The following SERPINB10 variants were observed in gnomAD, a reference collection of about 807,000 sequenced individuals.
SERPINB10 encodes serpin B10.
A neutral mutation model predicts 39.1 loss-of-function variants in SERPINB10; 35 were observed. The observed-to-expected ratio is 0.90, with a 90% CI of 0.68 to 1.19. SERPINB10 has a LOEUF of 1.19. SERPINB10 is among the 50% of genes most tolerant of loss of function. SERPINB10 has a pLI of 0.00. For synonymous variants in SERPINB10, 190 were observed against 158.1 expected, an observed-to-expected ratio of 1.20 and a Z score of -1.52; for missense variants, 546 against 460.5, an observed-to-expected ratio of 1.19 and a Z score of -1.70.
intron 5 of SERPINB10, among the ~76,000 whole-genome samples, chr18:63,927,502 A>G (rs1159033973): frequency 2.6e-5 from 4 of 152,212 alleles, no homozygotes; most frequent in African/African-American, 9.6e-5. Flanking sequence ...GGCTTGCTCT[A>G]TAATTCCAAA....
intron 5 of SERPINB10, among the ~76,000 whole-genome samples, chr18:63,929,712 C>CAAAAAAAAAAAAA (rs74169990): frequency 1.1e-3 from 106 of 97,284 alleles, no homozygotes; most frequent in Non-Finnish European, 1.7e-3. Flanking sequence ...AGCTAAAGTG[C>CAAAAAAAAAAAAA]AAAAAAAAAA....
intron 5 of SERPINB10, among the ~76,000 whole-genome samples, chr18:63,923,323 T>C (rs8096642): frequency 0.41 from 62,596 of 151,844 alleles, 15,772 homozygotes; most frequent in African/African-American, 0.71. Flanking sequence ...ATTAGTTCTT[T>C]AGGAACTTAG....
intron 1 of SERPINB10, among the ~76,000 whole-genome samples, chr18:63,909,038 G>T (rs749948601): frequency 6.6e-6 from 1 of 152,136 alleles, no homozygotes; most frequent in East Asian, 1.9e-4. Context: ...CAGACAAAAT[G>T]GGGGAGCTGG....
At chr18:63,928,021 T>C (rs2050192873) in intron 5 of SERPINB10, among the ~76,000 whole-genome samples, 1 of 152,108 alleles carries the variant, frequency 6.6e-6, no homozygotes, top group Non-Finnish European at 1.5e-5. Flanking sequence ...TTGATGCTGT[T>C]TCCACGGGAG....
intron 5 of SERPINB10, among the ~76,000 whole-genome samples, chr18:63,921,096 T>G (rs369581875): frequency 9.9e-5 from 15 of 151,994 alleles, no homozygotes; most frequent in South Asian, 4.1e-4. Flanking sequence ...ACATTTCAAT[T>G]GATATTATAT....
rs75569210 is a variant in SERPINB10 at position 63,908,725 on chromosome 18, T to G, written c.-10+685T>G. On this transcript the variant is annotated intron_variant, in intron 1 of 7. Transcript: ENST00000238508. ...GAGAGGTGCTGGGGATTGGGGAAGC[T>G]GTCATTCTCTGATATGCACAACTCC... 5.9e-5 allele frequency among the ~76,000 whole-genome samples: 9 copies of G among 152,174 alleles called. No homozygotes were observed. The East Asian group carries it at 1.7e-3, about 30-fold the overall frequency.
rs772597394 is a variant in SERPINB10, at chr18:63,915,692, G to A, written c.168+14G>A. ...CAAATGGCCCAGGTGAGTGGAAAAG[G>A]TCAACTATCTTCTGTTTCTTGTAAG... On this transcript the variant is annotated intron_variant, in intron 2 of 7. Transcript: ENST00000238508. The A allele has an allele frequency of 5.1e-5, 81 of 1,586,414 alleles. 1 individual carries two copies. The highest frequency in any genetic ancestry group is 1.8e-4 in the South Asian group (16 of 87,872).
chr18:63,908,455 G>A (rs1046169893), intron 1 of SERPINB10, among the ~76,000 whole-genome samples: 1 of 151,990 alleles, frequency 6.6e-6, no homozygotes, highest in Admixed American at 6.6e-5. Flanking sequence ...TTTAGGAAAT[G>A]TGAGCTTGGC....
chr18:63,918,599 C>T (rs111942665), intron 4 of SERPINB10, among the ~76,000 whole-genome samples: 173 of 152,124 alleles, frequency 1.1e-3, no homozygotes, highest in African/African-American at 3.7e-3. Flanking sequence ...TCCAACATCT[C>T]TTTGGGCAGG....
chr18:63,933,051 A>G lies in SERPINB10; in HGVS notation c.637A>G (p.Thr213Ala), dbSNP rs754803793. Residue 213 changes from threonine (T) to alanine (A), a missense_variant, in exon 7 of 8, where the codon ACA (threonine) becomes GCA (alanine). By Grantham distance (58) the Thr-to-Ala change is moderately conservative (BLOSUM62 0). Coordinates refer to ENST00000238508, the MANE Select transcript of SERPINB10 (RefSeq NM_005024.3). The part of the protein sequence containing the change: ...TEKPFRINET[T>A]SKPVQMMFMK... ...TTTGTTTTTTTGTTTTTTTTAGACTACAAGCAAACCAGTGCAAATGATGTT... is the reference window on the plus strand; with the variant it reads ...TTTGTTTTTTTGTTTTTTTTAGACTGCAAGCAAACCAGTGCAAATGATGTT... 1.9e-5 allele frequency: 30 copies of G among 1,610,772 alleles called. No homozygotes were observed. The highest frequency in any genetic ancestry group is 2.2e-5 in the East Asian group (1 of 44,856).
In SERPINB10 at chr18:63,917,947, G is replaced by C. The variant is rs762922084; in HGVS notation, c.235-18G>C. The C allele has an allele frequency of 6.2e-7, 1 of 1,606,592 alleles. No homozygotes were observed. The highest frequency in any genetic ancestry group is 1.3e-5 in the African/African-American group (1 of 74,632). ...TCTTGTTCAACATTTTATTTGACTA[G>C]TTCCTTCTCTTTTAAAGGAATTCAA... On this transcript the variant is annotated intron_variant, in intron 3 of 7. Transcript: ENST00000238508.
At chr18:63,929,712 CAAAAA>C (rs74169990) in intron 5 of SERPINB10, among the ~76,000 whole-genome samples, 3 of 97,348 alleles carry the variant, frequency 3.1e-5, no homozygotes, top group African/African-American at 9.1e-5. Flanking sequence ...AGCTAAAGTG[CAAAAA>C]AAAAAAAAAA....
At chr18:63,921,343 T>C (rs1658487056) in intron 5 of SERPINB10, among the ~76,000 whole-genome samples, 2 of 151,920 alleles carry the variant, frequency 1.3e-5, no homozygotes. Flanking sequence ...TCACCATACC[T>C]GAAATCACAT....
rs768164895 is a variant in SERPINB10 at position 63,935,273 on chromosome 18, T to C, written c.*31T>C. The C allele has an allele frequency of 1.3e-6, 2 of 1,510,578 alleles. No homozygotes were observed. The highest frequency in any genetic ancestry group is 2.3e-5 in the East Asian group (1 of 44,046). 93.6% of individuals were successfully genotyped at this position (1,510,578 alleles called of 1,614,324 possible). A position where few individuals can be genotyped will look rare whatever the true frequency, so the allele number is the denominator to read the frequency against. ...GCATATCTCTCAACAAACAAGACCATCTTACAGTGTGAAAAATGTACCATG... is the reference window on the plus strand; with the variant it reads ...GCATATCTCTCAACAAACAAGACCACCTTACAGTGTGAAAAATGTACCATG... On this transcript the variant is annotated 3_prime_UTR_variant, in exon 8 of 8. Transcript: ENST00000238508.
intron 5 of SERPINB10, among the ~76,000 whole-genome samples, chr18:63,926,162 T>C (rs1483406233): frequency 6.6e-6 from 1 of 152,048 alleles, no homozygotes; most frequent in Admixed American, 6.6e-5. Context: ...GAGAAGAAAC[T>C]TGCATGAGCT....
intron 5 of SERPINB10, among the ~76,000 whole-genome samples, chr18:63,925,553 A>T (rs932424364): frequency 2.6e-5 from 4 of 152,012 alleles, no homozygotes; most frequent in African/African-American, 9.7e-5. Flanking sequence ...CAAAATCTGG[A>T]GCAATTTGTG....
chr18:63,934,823 G>T lies in SERPINB10; in HGVS notation c.790-15G>T. The T allele has an allele frequency of 2.5e-6, 4 of 1,574,390 alleles. No homozygotes were observed. Among genetic ancestry groups the T allele is most frequent in the Non-Finnish European group, 3.4e-6 (4 of 1,161,194 alleles). ...GGAATTACTGATTCTTTCTTTCTTG[G>T]TTCCAAATGGGCAGCTGGAAAAGGC... On this transcript the variant is annotated splice_polypyrimidine_tract_variant and intron_variant, in intron 7 of 7. Transcript: ENST00000238508.
intron 3 of SERPINB10, 136 bp from the exon 4 acceptor site, chr18:63,917,829 A>C (rs1410236335): frequency 1.3e-6 from 1 of 762,884 alleles, no homozygotes; most frequent in African/African-American, 1.8e-5. Flanking sequence ...CACTAAAGAA[A>C]ACATTTTTAT....
chr18:63,921,548 C>T (rs7236189), intron 5 of SERPINB10, among the ~76,000 whole-genome samples: 16,973 of 151,860 alleles, frequency 0.11, 2,210 homozygotes, highest in African/African-American at 0.31. Flanking sequence ...TTTCTTTCTT[C>T]GCTATCTTTT....
Sources: gnomAD v4.1 joint callset for allele counts (sites outside exome capture counted in the v4.1 genomes callset) on GRCh38, gnomAD v4.1.1 for gene constraint, MANE v1.5 for transcripts, NCBI Gene and HGNC (gene_info 2026-07-23, HGNC 2026-07-21) for gene names.